Variants in NSD2 observed in about 807,000 individuals in gnomAD.
The protein encoded by NSD2 is nuclear receptor binding SET domain protein 2, also known as histone-lysine N-methyltransferase NSD2.
Under a neutral mutation model 139.0 loss-of-function variants are expected in NSD2, and 12 were observed. The ratio of observed to expected loss-of-function variants is 0.09; its 90% CI spans 0.06 to 0.14. NSD2 has a LOEUF of 0.14. Ranked by LOEUF, NSD2 falls within the 10% of genes least tolerant of loss-of-function variation. The pLI, the probability that NSD2 is intolerant of heterozygous loss-of-function variation, is 1.00. For missense variants in NSD2, 1,155 were observed against 1,745.0 expected (o/e 0.66, Z 6.02); for synonymous variants, 669 against 648.7 (o/e 1.03, Z -0.48).
chr4:1,901,320 A>C (rs1717144244), intron 2 of NSD2, 69 bp downstream of exon 2: 3 of 1,350,164 alleles, frequency 2.2e-6, no homozygotes, highest in Admixed American at 2.3e-5. Flanking sequence ...CTATGAGGGC[A>C]CCTGCACGAG....
intron 5 of NSD2, 139 bp from the exon 6 acceptor site, chr4:1,930,487 A>G (rs180891488): frequency 0.01 from 9,017 of 894,920 alleles, 95 homozygotes; most frequent in Non-Finnish European, 0.01. Context: ...TGAAGCTTTT[A>G]TGGACATAGT....
chr4:1,960,455 C>T (rs1285390584), intron 17 of NSD2, among the ~76,000 whole-genome samples: 1 of 152,202 alleles, frequency 6.6e-6, no homozygotes, highest in African/African-American at 2.4e-5. Flanking sequence ...GCCTCTGCTC[C>T]CAGACTGTGT....
chr4:1,909,404 G>A (rs965533101), intron 3 of NSD2, among the ~76,000 whole-genome samples: 1 of 152,160 alleles, frequency 6.6e-6, no homozygotes, highest in Non-Finnish European at 1.5e-5. Flanking sequence ...ACTCTGTGCA[G>A]TAGGTCTCCA....
At chr4:1,971,790 G>T (rs1726510293) in intron 18 of NSD2, among the ~76,000 whole-genome samples, 1 of 152,180 alleles carries the variant, frequency 6.6e-6, no homozygotes, top group Non-Finnish European at 1.5e-5. Flanking sequence ...AACCCTATCA[G>T]GTAAAGGAGG....
At chr4:1,884,191 G>A (rs1054147099) in intron 1 of NSD2, among the ~76,000 whole-genome samples, 1 of 151,800 alleles carries the variant, frequency 6.6e-6, no homozygotes, top group African/African-American at 2.4e-5. Flanking sequence ...TGCCTCCTGG[G>A]TTCAAGCCAT....
rs752121654 is a variant in NSD2 at position 1,976,693 on chromosome 4, CTCGCGGTGGCTTGCAGCT to C, written c.3826+15_3826+32del. On this transcript the variant is annotated intron_variant, in intron 21 of 21. Coordinates refer to ENST00000508803, the MANE Select transcript of NSD2 (RefSeq NM_001042424.3). The surrounding 1 kb of genome is among the most constrained non-coding windows in gnomAD (Gnocchi z 5.3). Reference sequence around the variant, plus strand: ...AGCGGCCCTTCGGTGGGTGTGCAGCCTCGCGGTGGCTTGCAGCTGTGTCTGTGTGGCAGGCTCCTGATG... The same window carrying C: ...AGCGGCCCTTCGGTGGGTGTGCAGCCGTGTCTGTGTGGCAGGCTCCTGATG... The C allele has an allele frequency of 4.5e-6, 7 of 1,553,906 alleles. No individual in the cohort carries two copies. Among genetic ancestry groups the C allele is most frequent in the Middle Eastern group, 2.2e-4 (1 of 4,512 alleles).
intron 21 of NSD2, among the ~76,000 whole-genome samples, chr4:1,977,099 G>T (rs548998438): frequency 6.6e-6 from 1 of 152,364 alleles, no homozygotes; most frequent in East Asian, 1.9e-4. Context: ...ACTACAGTGG[G>T]AATGGAGGGG....
Position 1,918,397 on chromosome 4 carries a change from T to A in NSD2, c.1184T>A (p.Ile395Asn). 1.9e-6 allele frequency: 3 copies of A among 1,614,056 alleles called. No individual in the cohort carries two copies. The highest frequency in any genetic ancestry group is 2.5e-6 in the Non-Finnish European group (3 of 1,180,022). ...ENPKSVREEC[I>N]PMKRRRRAKL... ...CCCAAGTCTGTGAGAGAAGAGTGCA[T>A]TCCCATGAAGAGAAGGCGGAGGGCC... Residue 395 changes from isoleucine (I) to asparagine (N), a missense_variant, in exon 5 of 22, where the codon ATT (isoleucine) becomes AAT (asparagine). Physicochemically the swap from Ile to Asn is moderately radical, Grantham distance 149. This residue lies in a region of NSD2 where 420 missense variants were observed against 469.0 expected (regional missense o/e 0.90). Transcript: ENST00000508803.
chr4:1,904,172 G>T lies in NSD2; in HGVS notation c.598-44G>T, dbSNP rs774083111. 1.8e-5 allele frequency: 28 copies of T among 1,592,214 alleles called. No homozygotes were observed. The Admixed American group carries it at 4.8e-4, about 27-fold the overall frequency. The stretch of plus-strand genomic sequence containing the variant: ...CCTTGGTCTTCTGGATACACAGGTA[G>T]TGATTGGATGTGTTAGTGTTTGTCT... On this transcript the variant is annotated intron_variant, in intron 2 of 21. Transcript: ENST00000508803.
Position 1,981,020 on chromosome 4 carries a change from C to G in NSD2, c.*2111C>G, listed in dbSNP as rs541555421. Reference sequence around the variant, plus strand: ...ATCCCTTCCGGCAGGTAAGGGACTACCAATGCTTACGTCAAAACAGCAGAA... The same window carrying G: ...ATCCCTTCCGGCAGGTAAGGGACTAGCAATGCTTACGTCAAAACAGCAGAA... On this transcript the variant is annotated 3_prime_UTR_variant, in exon 22 of 22. Transcript: ENST00000508803. 2 of 233,282 alleles carry G rather than the reference C, an allele frequency of 8.6e-6. No homozygotes were observed. The highest frequency in any genetic ancestry group is 4.4e-5 in the African/African-American group (2 of 45,464). The allele number at this position is 233,282 out of a possible 1,614,324, so 14.5% of individuals were successfully genotyped here. A position where few individuals can be genotyped will look rare whatever the true frequency, so the allele number is the denominator to read the frequency against.
intron 8 of NSD2, 60 bp downstream of exon 8, chr4:1,938,592 G>A: frequency 2.4e-6 from 3 of 1,250,898 alleles, no homozygotes; most frequent in Admixed American, 1.8e-5. Context: ...GGCTGGGTGG[G>A]TGGGCTGAGA....
chr4:1,977,013 A>G (rs1038893868), intron 21 of NSD2, among the ~76,000 whole-genome samples: 3 of 152,216 alleles, frequency 2.0e-5, no homozygotes, highest in Non-Finnish European at 4.4e-5. Context: ...CGACGCTGGG[A>G]ACTAAAGCCC....
Position 1,876,401 on chromosome 4 carries a change from C to G in NSD2, c.-30+4859C>G, listed in dbSNP as rs79663895. Reference sequence around the variant, plus strand: ...GAGTGATGGCCTCAGCTCAAAAACTCCAGTAGTGGATAGGCACAGTTGCTC... The same window carrying G: ...GAGTGATGGCCTCAGCTCAAAAACTGCAGTAGTGGATAGGCACAGTTGCTC... On this transcript the variant is annotated intron_variant, in intron 1 of 21. Coordinates refer to ENST00000508803, the MANE Select transcript of NSD2 (RefSeq NM_001042424.3). 1.7e-3 allele frequency among the ~76,000 whole-genome samples: 257 copies of G among 152,170 alleles called. 2 individuals are homozygous for G. Among genetic ancestry groups the G allele is most frequent in the African/African-American group, 5.5e-3 (228 of 41,534 alleles).
At chr4:1,913,857 C>T (rs890730502) in intron 3 of NSD2, among the ~76,000 whole-genome samples, 7 of 152,236 alleles carry the variant, frequency 4.6e-5, no homozygotes, top group Admixed American at 6.5e-5. Context: ...TACCATCTCT[C>T]GTCTCCACAC....
intron 1 of NSD2, among the ~76,000 whole-genome samples, chr4:1,881,852 G>A (rs1381010520): frequency 6.6e-6 from 1 of 152,224 alleles, no homozygotes; most frequent in Non-Finnish European, 1.5e-5. Flanking sequence ...CTAGAGCAGG[G>A]AGCAGAGAGC....
rs112552381 is a variant in NSD2, at chr4:1,975,052, A to G, written c.3514+48A>G. On this transcript the variant is annotated intron_variant, in intron 19 of 21. Transcript: ENST00000508803. ...ATGGGGCTCCTGGCTATGGGGGCAG[A>G]GTGGCCATCGCTGAGGGCTGCGTGG... is the stretch of plus-strand genomic sequence containing the variant. The G allele has an allele frequency of 4.3e-5, 70 of 1,612,400 alleles. No homozygotes were observed. The African/African-American group carries it at 8.0e-4, about 18-fold the overall frequency.
chr4:1,923,752 G>C (rs1362356574), intron 5 of NSD2, among the ~76,000 whole-genome samples: 3 of 152,170 alleles, frequency 2.0e-5, no homozygotes, highest in African/African-American at 7.2e-5. Flanking sequence ...CACGCAGAGA[G>C]ACCACAGTGT....
At chr4:1,872,967 A>G (rs1713982743) in intron 1 of NSD2, among the ~76,000 whole-genome samples, 1 of 152,224 alleles carries the variant, frequency 6.6e-6, no homozygotes, top group Admixed American at 6.5e-5. Flanking sequence ...AAAGCAAACA[A>G]GTTCTGTGAG....
At chr4:1,889,715 T>TCCTCAGGTGATCCACTCCTGA (rs1560563452) in intron 1 of NSD2, among the ~76,000 whole-genome samples, 1 of 151,996 alleles carries the variant, frequency 6.6e-6, no homozygotes, top group East Asian at 1.9e-4. Flanking sequence ...GTCAGGCTGG[T>TCCTCAGGTGATCCACTCCTGA]CCTCAGGTGA....
Sources: allele counts gnomAD v4.1 joint callset (sites outside exome capture counted in the v4.1 genomes callset), GRCh38; gene constraint gnomAD v4.1.1; regional missense constraint gnomAD v4.1.1; non-coding constraint Gnocchi (gnomAD v3.1); transcripts MANE v1.5; gene names NCBI Gene and HGNC (gene_info 2026-07-23, HGNC 2026-07-21).